BARD1: variants seen among roughly 807,000 people sequenced by gnomAD.
The protein encoded by BARD1 is BRCA1-associated RING domain protein 1.
A neutral mutation model predicts 77.0 loss-of-function variants in BARD1; 73 were observed. That is an observed-to-expected ratio of 0.95 (90% confidence interval 0.79 to 1.15). The LOEUF is 1.15. Ranked by LOEUF, BARD1 falls within the 50% of genes most tolerant of loss-of-function variation. The pLI is 0.00. For synonymous variants in BARD1, 384 were observed against 338.0 expected (o/e 1.14, Z -1.49); for missense variants, 993 against 938.8 (o/e 1.06, Z -0.75).
At chr2:214,753,106 A>C (rs1693535422) in intron 6 of BARD1, among the ~76,000 whole-genome samples, 1 of 152,174 alleles carries the variant, frequency 6.6e-6, no homozygotes, top group African/African-American at 2.4e-5. Flanking sequence ...TGGCTCAGAG[A>C]GATACAAACT....
At chr2:214,808,365 T>C (rs1298942228) in intron 1 of BARD1, among the ~76,000 whole-genome samples, 1 of 152,176 alleles carries the variant, frequency 6.6e-6, no homozygotes, top group Admixed American at 6.5e-5. Context: ...GACAAGATCG[T>C]GCCACTGCAC....
intron 4 of BARD1, among the ~76,000 whole-genome samples, chr2:214,771,350 T>C (rs1338422056): frequency 6.6e-6 from 1 of 152,186 alleles, no homozygotes; most frequent in Non-Finnish European, 1.5e-5. Context: ...CAATACTTTT[T>C]TCTGAAATTT....
intron 3 of BARD1, among the ~76,000 whole-genome samples, chr2:214,786,429 T>C (rs1453685974): frequency 6.6e-6 from 1 of 152,036 alleles, no homozygotes; most frequent in Non-Finnish European, 1.5e-5. Flanking sequence ...AGATTGTTAA[T>C]GATCATCTCA....
In BARD1 at chr2:214,727,372, T is replaced by A. The variant is rs1692126405; in HGVS notation, c.*1304A>T. The A allele has an allele frequency of 4.3e-6, 1 of 232,126 alleles. No homozygotes were observed. Among genetic ancestry groups the A allele is most frequent in the South Asian group, 1.8e-4 (1 of 5,518 alleles). The allele number at this position is 232,126 out of a possible 1,614,324, so 14.4% of individuals were successfully genotyped here. A position where few individuals can be genotyped will look rare whatever the true frequency, so the allele number is the denominator to read the frequency against. ...TATTCTGGTAGTTATCAAACTGTCC[T>A]CTTTTGTTCATGAGGAACCAAACTG... On this transcript the variant is annotated 3_prime_UTR_variant, in exon 11 of 11. Transcript: ENST00000260947.
chr2:214,751,079 CTG>C (rs760986670), intron 7 of BARD1, among the ~76,000 whole-genome samples: 170 of 39,360 alleles, frequency 4.3e-3, no homozygotes, highest in East Asian at 0.014. Context: ...CTGTGAAATT[CTG>C]TGTGTGTGTG....
Position 214,809,515 on chromosome 2 carries a change from C to A in BARD1, c.55G>T (p.Glu19Ter), listed in dbSNP as rs752514155. Reference protein sequence around the residue: ...NRQPRIRSGNEPRSAPAMEPD... With the variant: ...NRQPRIRSGN ...TCCATGGCGGGCGCGGAACGAGGCT[C>A]GTTCCCGGAGCGGATCCTCGGCTGC... Residue 19 changes from glutamate to a stop codon, truncating the protein, a stop_gained, in exon 1 of 11, where the codon GAG becomes TAG. Transcript: ENST00000260947. LOFTEE classifies it high-confidence loss of function. The A allele has an allele frequency of 7.5e-6, 12 of 1,597,248 alleles. No homozygotes were observed. In the Admixed American group the frequency reaches 1.9e-4, roughly 25 times the overall value.
chr2:214,809,573 C>G lies in BARD1; in HGVS notation c.-4G>C. Reference sequence around the variant, plus strand: ...TCGGCTGCCGATTATCCGGCATCGTCCCGCCTTCGGATGAAAGGCTCCTCG... The same window carrying G: ...TCGGCTGCCGATTATCCGGCATCGTGCCGCCTTCGGATGAAAGGCTCCTCG... On this transcript the variant is annotated 5_prime_UTR_variant, in exon 1 of 11. Transcript: ENST00000260947. The G allele has an allele frequency of 1.3e-6, 2 of 1,544,260 alleles. No individual in the cohort carries two copies. Among genetic ancestry groups the G allele is most frequent in the Non-Finnish European group, 1.7e-6 (2 of 1,148,164 alleles).
At position 214,728,168 on chromosome 2, in the gene BARD1, T is replaced by C. The variant is rs1229375658; in HGVS notation, c.*508A>G. 2.6e-5 allele frequency: 6 copies of C among 228,382 alleles called. No homozygotes were observed. Among genetic ancestry groups the C allele is most frequent in the South Asian group, 1.8e-4 (1 of 5,574 alleles). The allele number at this position is 228,382 out of a possible 1,614,324, so 14.1% of individuals were successfully genotyped here. On this transcript the variant is annotated 3_prime_UTR_variant, in exon 11 of 11. Transcript: ENST00000260947. ...ATTAAGAAAAGAAATGAACACAATA[T>C]AGGATAAAGACAATTGCAGATAGGA...
chr2:214,755,882 A>T (rs974744635), intron 6 of BARD1, among the ~76,000 whole-genome samples: 1 of 152,186 alleles, frequency 6.6e-6, no homozygotes, highest in Admixed American at 6.6e-5. Context: ...AATATTTAAA[A>T]CTATTTTGGA....
chr2:214,736,788 A>G (rs1251768681), intron 9 of BARD1, among the ~76,000 whole-genome samples: 5 of 152,134 alleles, frequency 3.3e-5, no homozygotes, highest in African/African-American at 4.8e-5. Flanking sequence ...GTCTTAATTC[A>G]TTAAATATTC....
chr2:214,751,444 C>A (rs954192923), intron 7 of BARD1, among the ~76,000 whole-genome samples: 1 of 151,468 alleles, frequency 6.6e-6, no homozygotes, highest in African/African-American at 2.4e-5. Flanking sequence ...ATTACAGGTG[C>A]GATCCACTGC....
At chr2:214,772,305 T>C (rs1029043934) in intron 4 of BARD1, among the ~76,000 whole-genome samples, 6 of 152,186 alleles carry the variant, frequency 3.9e-5, no homozygotes, top group African/African-American at 1.4e-4. Flanking sequence ...TCTGCCAAGA[T>C]ACAAATTTTT....
intron 1 of BARD1, among the ~76,000 whole-genome samples, chr2:214,798,477 G>A (rs751132238): frequency 1.4e-4 from 21 of 151,922 alleles, no homozygotes; most frequent in Admixed American, 2.6e-4. Flanking sequence ...ATTCTATTTC[G>A]TGGCAAGCTC....
rs977731407 is a variant in BARD1 at position 214,792,361 on chromosome 2, T to C, written c.300A>G (p.Gln100=). 5 of 1,613,122 alleles carry C rather than the reference T, an allele frequency of 3.1e-6. No homozygotes were observed. Among genetic ancestry groups the C allele is most frequent in the Non-Finnish European group, 4.2e-6 (5 of 1,179,736 alleles). ...AWIQDLKINR[Q]LDSMIQLCSK... ...TACAAAGTTGAATCATGCTGTCCAG[T>C]TGTCTATTTATCTTCAAGTCTTGTA... is the stretch of plus-strand genomic sequence containing the variant. Residue 100 remains glutamine (Q), a synonymous_variant, in exon 3 of 11, where the codon CAA becomes CAG. Coordinates refer to ENST00000260947, the MANE Select transcript of BARD1 (RefSeq NM_000465.4).
At chr2:214,801,849 C>CGGGGG (rs11457040) in intron 1 of BARD1, among the ~76,000 whole-genome samples, 1 of 113,750 alleles carries the variant, frequency 8.8e-6, no homozygotes, top group Non-Finnish European at 1.8e-5. Flanking sequence ...AAATATTTGG[C>CGGGGG]GGGGGGGGGG....
chr2:214,795,301 T>C (rs1695709516), intron 2 of BARD1, among the ~76,000 whole-genome samples: 1 of 152,124 alleles, frequency 6.6e-6, no homozygotes, highest in Non-Finnish European at 1.5e-5. Context: ...AGTGCCAAAG[T>C]CCTGGGGCGG....
chr2:214,776,881 G>A (rs1391640970), intron 4 of BARD1, among the ~76,000 whole-genome samples: 1 of 152,160 alleles, frequency 6.6e-6, no homozygotes, highest in East Asian at 1.9e-4. Flanking sequence ...AAGATAAGAT[G>A]TGAGAAGGAC....
At chr2:214,770,192 C>T (rs1404771123) in intron 4 of BARD1, among the ~76,000 whole-genome samples, 1 of 152,136 alleles carries the variant, frequency 6.6e-6, no homozygotes, top group African/African-American at 2.4e-5. Flanking sequence ...CAAATCAGCC[C>T]ACAGAATTAG....
intron 7 of BARD1, among the ~76,000 whole-genome samples, chr2:214,749,066 C>T (rs933300029): frequency 1.3e-5 from 2 of 151,946 alleles, no homozygotes; most frequent in Non-Finnish European, 1.5e-5. Context: ...GGGGGTTAGA[C>T]AGCACTGGGA....
Sources: gnomAD v4.1 joint callset for allele counts (sites outside exome capture counted in the v4.1 genomes callset) on GRCh38, gnomAD v4.1.1 for gene constraint, MANE v1.5 for transcripts, NCBI Gene and HGNC (gene_info 2026-07-23, HGNC 2026-07-21) for gene names.